The following SYTL5 variants were observed in gnomAD, a reference collection of about 807,000 sequenced individuals.
SYTL5 encodes synaptotagmin like 5, also known as synaptotagmin-like protein 5.
A neutral mutation model predicts 55.9 loss-of-function variants in SYTL5; 34 were observed. That is an observed-to-expected ratio of 0.61 (90% CI 0.46 to 0.81). The LOEUF (loss-of-function observed/expected upper bound fraction) is 0.81, where lower values mean the gene tolerates loss of function less well. Ranked by LOEUF, SYTL5 falls within the 30% of genes least tolerant of loss-of-function variation. SYTL5 has a pLI of 0.00. For missense variants in SYTL5, 637 were observed against 546.7 expected (o/e 1.17, Z -1.65); for synonymous variants, 221 against 188.7 (o/e 1.17, Z -1.40).
the SYTL5 span, among the ~76,000 whole-genome samples, chrX:37,894,351 G>C: frequency 8.9e-6 from 1 of 111,781 alleles, no homozygotes; most frequent in African/African-American, 3.2e-5. Context: ...GTATAAATTA[G>C]CATTTGGAAA....
At chrX:37,902,515 T>G in the SYTL5 span, among the ~76,000 whole-genome samples, 1 of 112,327 alleles carries the variant, frequency 8.9e-6, no homozygotes, top group East Asian at 2.8e-4. Context: ...TTGTTAGTTT[T>G]AGTGTGTGAT....
At chrX:37,928,866 C>T in the SYTL5 span, among the ~76,000 whole-genome samples, 1 of 111,583 alleles carries the variant, frequency 9.0e-6, no homozygotes, top group African/African-American at 3.3e-5. Flanking sequence ...TATTTCTTAT[C>T]CGGAAGGTGG....
chrX:37,902,384 A>G, the SYTL5 span, among the ~76,000 whole-genome samples: 3 of 112,295 alleles, frequency 2.7e-5, no homozygotes, highest in African/African-American at 9.7e-5. Context: ...CTCTAGCCAT[A>G]ACAAGCTGTG....
At chrX:37,907,756 A>G in the SYTL5 span, among the ~76,000 whole-genome samples, 5 of 111,854 alleles carry the variant, frequency 4.5e-5, no homozygotes, top group Non-Finnish European at 9.4e-5. Flanking sequence ...CTTTCTCTTC[A>G]CTCCTAAAAG....
the SYTL5 span, among the ~76,000 whole-genome samples, chrX:37,889,072 G>A: frequency 8.0e-5 from 9 of 112,466 alleles, no homozygotes; most frequent in Non-Finnish European, 1.5e-4. Flanking sequence ...TGTCAATGCT[G>A]TATGGAGAGA....
intron 2 of SYTL5, among the ~76,000 whole-genome samples, chrX:38,043,224 T>C (rs1935337541): frequency 9.0e-6 from 1 of 111,145 alleles, no homozygotes; most frequent in African/African-American, 3.3e-5. Context: ...AAACATTTAA[T>C]ATCTTCTGAT....
chrX:38,001,964 A>C (rs1933868604), upstream of SYTL5, among the ~76,000 whole-genome samples: 1 of 110,605 alleles, frequency 9.0e-6, no homozygotes, highest in Admixed American at 9.6e-5. Context: ...TGCTGCACCC[A>C]TTAACTCTTC....
At chrX:38,033,285 G>A (rs1327654072) in intron 1 of SYTL5, among the ~76,000 whole-genome samples, 2 of 111,330 alleles carry the variant, frequency 1.8e-5, no homozygotes, top group Admixed American at 9.5e-5. Context: ...TGCAGCTGGC[G>A]GAGGAAGCTA....
chrX:38,000,692 C>A, the SYTL5 span, among the ~76,000 whole-genome samples: 1 of 112,238 alleles, frequency 8.9e-6, no homozygotes, highest in Non-Finnish European at 1.9e-5. Flanking sequence ...GGTTTCTTGC[C>A]TTGGTGTACT....
chrX:38,108,800 GTA>G (rs982379796), intron 12 of SYTL5, 101 bp downstream of exon 12: 4 of 496,031 alleles, frequency 8.1e-6, no homozygotes, highest in African/African-American at 7.2e-5. Context: ...GTCAAGGCTT[GTA>G]TATGTTTTAG....
At position 38,119,474 on chromosome X, in the gene SYTL5, A is replaced by G. The variant is rs371658802; in HGVS notation, c.1597-884A>G. ...AGACTGGCTTTTTTCACTCAGTATA[A>G]TTCTCTAGAGATTCAACTTGTTGCA... On this transcript the variant is annotated intron_variant, in intron 13 of 16. Coordinates refer to ENST00000297875, the MANE Select transcript of SYTL5 (RefSeq NM_138780.3). Among the ~76,000 whole-genome samples the G allele has an allele frequency of 5.3e-5, 6 of 112,599 alleles. No individual in the cohort carries two copies. The East Asian group carries it at 1.4e-3, about 26-fold the overall frequency.
chrX:37,902,685 A>G, the SYTL5 span, among the ~76,000 whole-genome samples: 1 of 111,822 alleles, frequency 8.9e-6, no homozygotes, highest in African/African-American at 3.3e-5. Context: ...AAAACAAAAC[A>G]AAACAAAGAA....
chrX:37,986,613 A>G, the SYTL5 span, among the ~76,000 whole-genome samples: 1 of 111,735 alleles, frequency 8.9e-6, no homozygotes, highest in Non-Finnish European at 1.9e-5. Flanking sequence ...GCATAAGACA[A>G]TATGAGGGGT....
the SYTL5 span, among the ~76,000 whole-genome samples, chrX:37,983,646 A>G: frequency 5.3e-5 from 6 of 112,343 alleles, no homozygotes; most frequent in Non-Finnish European, 7.5e-5. Flanking sequence ...AACTAGACCT[A>G]TTAGGCTTGC....
the SYTL5 span, among the ~76,000 whole-genome samples, chrX:37,894,141 A>T: frequency 9.0e-6 from 1 of 111,488 alleles, no homozygotes; most frequent in Non-Finnish European, 1.9e-5. Flanking sequence ...CATTCCTTTC[A>T]ATTACTGTGT....
chrX:38,019,523 C>G (rs1361147537), intron 1 of SYTL5, among the ~76,000 whole-genome samples: 1 of 112,124 alleles, frequency 8.9e-6, no homozygotes, highest in South Asian at 3.7e-4. Context: ...ATGCTTGTCT[C>G]CACTAGAAAA....
the SYTL5 span, among the ~76,000 whole-genome samples, chrX:37,978,436 A>T: frequency 3.6e-5 from 4 of 112,057 alleles, no homozygotes; most frequent in Non-Finnish European, 5.6e-5. Flanking sequence ...GTCTTTTGAG[A>T]AATGAACCGC....
chrX:37,991,063 A>G, the SYTL5 span: 1 of 1,211,455 alleles, frequency 8.3e-7, no homozygotes, highest in Non-Finnish European at 1.1e-6. Flanking sequence ...GCCAGCAACA[A>G]TGGCAGTATG....
intron 3 of SYTL5, among the ~76,000 whole-genome samples, chrX:38,062,680 G>A (rs1391322805): frequency 9.0e-6 from 1 of 111,396 alleles, no homozygotes; most frequent in African/African-American, 3.3e-5. Flanking sequence ...TTATCCTGTT[G>A]GACATCAAGC....
Sources: gnomAD v4.1 joint callset for allele counts (sites outside exome capture counted in the v4.1 genomes callset) on GRCh38, gnomAD v4.1.1 for gene constraint, MANE v1.5 for transcripts, NCBI Gene and HGNC (gene_info 2026-07-23, HGNC 2026-07-21) for gene names.